The following XKR4 variants were observed in gnomAD, a reference collection of about 807,000 sequenced individuals.
XKR4 encodes XK related 4.
In XKR4, 12 loss-of-function variants were observed where a neutral mutation model predicts 53.9. That is an observed-to-expected ratio of 0.22 (90% CI 0.14 to 0.36). The LOEUF (loss-of-function observed/expected upper bound fraction) is 0.36. Ranked by LOEUF, XKR4 falls within the 10% of genes least tolerant of loss-of-function variation. The probability of loss-of-function intolerance (pLI) is 1.00; values close to 1 mark genes in which losing one functional copy is unlikely to be tolerated. For synonymous variants in XKR4, 354 were observed against 362.4 expected, an observed-to-expected ratio of 0.98 and a Z score of 0.26; for missense variants, 799 against 859.5, an observed-to-expected ratio of 0.93 and a Z score of 0.88.
chr8:55,381,488 A>G (rs949766), intron 2 of XKR4, among the ~76,000 whole-genome samples: 106,660 of 152,052 alleles, frequency 0.7, 38,472 homozygotes, highest in African/African-American at 0.87. Context: ...ACCTTGAGGG[A>G]CCATTGGTGC....
intron 1 of XKR4, among the ~76,000 whole-genome samples, chr8:55,240,033 A>C (rs4236966): frequency 0.79 from 119,516 of 152,186 alleles, 49,200 homozygotes; most frequent in Non-Finnish European, 0.92. Context: ...CCTAGAGTAT[A>C]TCACTGTGTG....
intron 2 of XKR4, among the ~76,000 whole-genome samples, chr8:55,378,026 G>A (rs1804175415): frequency 1.3e-5 from 2 of 152,134 alleles, no homozygotes; most frequent in East Asian, 1.9e-4. Flanking sequence ...TTCATCGGGG[G>A]AATAGAAATT....
intron 2 of XKR4, among the ~76,000 whole-genome samples, chr8:55,497,083 C>T (rs981642686): frequency 6.6e-6 from 1 of 152,156 alleles, no homozygotes; most frequent in Non-Finnish European, 1.5e-5. Context: ...AATACACTTT[C>T]GTCCATGAAA....
intron 2 of XKR4, among the ~76,000 whole-genome samples, chr8:55,514,409 A>AT (rs1166506807): frequency 1.5e-4 from 23 of 152,140 alleles, no homozygotes; most frequent in Non-Finnish European, 2.4e-4. Flanking sequence ...GGCATGTGCC[A>AT]TCATGCCAGG....
chr8:55,385,997 T>G (rs1487341888), intron 2 of XKR4, among the ~76,000 whole-genome samples: 1 of 152,260 alleles, frequency 6.6e-6, no homozygotes, highest in Admixed American at 6.5e-5. Flanking sequence ...TTTAAAATCA[T>G]TTTATCCAAA....
chr8:55,267,130 G>A (rs114144017), intron 1 of XKR4, among the ~76,000 whole-genome samples: 201 of 152,284 alleles, frequency 1.3e-3, no homozygotes, highest in African/African-American at 4.6e-3. Context: ...TATCAAGTAG[G>A]TGTGGGAGGT....
intron 2 of XKR4, among the ~76,000 whole-genome samples, chr8:55,480,130 A>C (rs1037520272): frequency 2.0e-5 from 3 of 152,240 alleles, no homozygotes; most frequent in African/African-American, 7.2e-5. Context: ...ATCCTTGATG[A>C]ACATTGATGC....
At chr8:55,380,267 C>T (rs774063294) in intron 2 of XKR4, among the ~76,000 whole-genome samples, 3 of 152,192 alleles carry the variant, frequency 2.0e-5, no homozygotes, top group African/African-American at 7.2e-5. Context: ...TGTGCTGTGG[C>T]ATCCTGGGAA....
intron 1 of XKR4, among the ~76,000 whole-genome samples, chr8:55,336,194 T>C (rs1803458725): frequency 6.6e-6 from 1 of 152,072 alleles, no homozygotes; most frequent in Non-Finnish European, 1.5e-5. Context: ...GATTGAATTA[T>C]GGGGGCGGGT....
chr8:55,393,462 G>A (rs1371702873), intron 2 of XKR4, among the ~76,000 whole-genome samples: 1 of 138,044 alleles, frequency 7.2e-6, no homozygotes, highest in Non-Finnish European at 1.6e-5. Context: ...AAGGAAGAAA[G>A]GAAGGAAATA....
Position 55,224,977 on chromosome 8 carries a change from G to C in XKR4, c.806+121683G>C, listed in dbSNP as rs113725298. Among the ~76,000 whole-genome samples the C allele has an allele frequency of 2.9e-3, 447 of 152,282 alleles. 1 individual carries two copies. Among genetic ancestry groups the C allele is most frequent in the Non-Finnish European group, 4.6e-3 (314 of 68,002 alleles). ...TTACTAATTAATGAACGATACATAT[G>C]TTGATTTGGGTATATGGCATTGTGA... is the stretch of plus-strand genomic sequence containing the variant. On this transcript the variant is annotated intron_variant, in intron 1 of 2. Coordinates refer to ENST00000327381, the MANE Select transcript of XKR4 (RefSeq NM_052898.2).
chr8:55,395,718 C>A (rs954633595), intron 2 of XKR4, among the ~76,000 whole-genome samples: 1 of 152,004 alleles, frequency 6.6e-6, no homozygotes, highest in Non-Finnish European at 1.5e-5. Flanking sequence ...GTAGATGGGG[C>A]CCATCTTGCC....
chr8:55,291,240 C>T (rs185911214), intron 1 of XKR4, among the ~76,000 whole-genome samples: 32 of 152,196 alleles, frequency 2.1e-4, no homozygotes, highest in African/African-American at 5.5e-4. Flanking sequence ...TACTCTTGGC[C>T]GATACCACCC....
At chr8:55,330,982 T>G (rs1018790712) in intron 1 of XKR4, among the ~76,000 whole-genome samples, 1 of 152,040 alleles carries the variant, frequency 6.6e-6, no homozygotes, top group South Asian at 2.1e-4. Flanking sequence ...AATTTTATAT[T>G]TTAATCATTT....
chr8:55,476,372 G>A lies in XKR4; in HGVS notation c.1007-46909G>A, dbSNP rs185367027. Among the ~76,000 whole-genome samples the A allele has an allele frequency of 6.5e-4, 99 of 152,206 alleles. 1 individual carries two copies. Among genetic ancestry groups the A allele is most frequent in the African/African-American group, 2.4e-3 (98 of 41,474 alleles). On this transcript the variant is annotated intron_variant, in intron 2 of 2. Transcript: ENST00000327381. ...CCCCAGAGGTCAAAATGCCACTCAG[G>A]CAGGAAACGGATATGGTTTTAATCA...
At chr8:55,403,166 A>G (rs1242510571) in intron 2 of XKR4, among the ~76,000 whole-genome samples, 1 of 152,182 alleles carries the variant, frequency 6.6e-6, no homozygotes, top group Non-Finnish European at 1.5e-5. Context: ...CAGTAATTAA[A>G]CTAAATTTTG....
intron 1 of XKR4, among the ~76,000 whole-genome samples, chr8:55,344,205 T>G (rs886992684): frequency 6.6e-6 from 1 of 152,182 alleles, no homozygotes; most frequent in African/African-American, 2.4e-5. Flanking sequence ...GCCTATGGAT[T>G]TTTCAGTTAT....
intron 2 of XKR4, among the ~76,000 whole-genome samples, chr8:55,409,702 T>C (rs985987774): frequency 6.6e-6 from 1 of 152,076 alleles, no homozygotes; most frequent in Non-Finnish European, 1.5e-5. Context: ...AAACTAAATA[T>C]AGCACTCCTA....
At chr8:55,314,788 T>C (rs1358408757) in intron 1 of XKR4, among the ~76,000 whole-genome samples, 1 of 152,166 alleles carries the variant, frequency 6.6e-6, no homozygotes, top group Non-Finnish European at 1.5e-5. Flanking sequence ...CATTTCACAC[T>C]CTGAACCTCA....
Sources: allele counts gnomAD v4.1 joint callset (sites outside exome capture counted in the v4.1 genomes callset), GRCh38; gene constraint gnomAD v4.1.1; transcripts MANE v1.5; gene names NCBI Gene and HGNC (gene_info 2026-07-23, HGNC 2026-07-21).